Variants in SYN2 observed in about 807,000 individuals in gnomAD.
SYN2 encodes synapsin-2.
Under a neutral mutation model 50.9 loss-of-function variants are expected in SYN2, and 19 were observed. The ratio of observed to expected loss-of-function variants is 0.37; its 90% CI spans 0.26 to 0.55. SYN2 has a LOEUF of 0.55. SYN2 is among the 20% of genes least tolerant of loss of function. The pLI, the probability that SYN2 is intolerant of heterozygous loss-of-function variation, is 0.81. For missense variants in SYN2, 587 were observed against 576.4 expected (o/e 1.02, Z -0.19); for synonymous variants, 255 against 224.9 (o/e 1.13, Z -1.20).
At chr3:12,108,503 C>G (rs941156553) in intron 1 of SYN2, among the ~76,000 whole-genome samples, 1 of 152,096 alleles carries the variant, frequency 6.6e-6, no homozygotes, top group African/African-American at 2.4e-5. Flanking sequence ...GGTTTCAGTT[C>G]GGAGATAGGA....
Position 12,190,878 on chromosome 3 carries a change from C to G in SYN2, c.*253C>G. On this transcript the variant is annotated 3_prime_UTR_variant, in exon 13 of 13. Transcript: ENST00000621198. The stretch of plus-strand genomic sequence containing the variant: ...GCTTCCCTGTAGTCATGAGAGCTTC[C>G]TTCTGAAGTCATCGTTCGCTGTGAG... 1 of 1,244,520 alleles carries G rather than the reference C, an allele frequency of 8.0e-7. No individual in the cohort carries two copies. Among genetic ancestry groups the G allele is most frequent in the Non-Finnish European group, 1.0e-6 (1 of 993,624 alleles). The allele number at this position is 1,244,520 out of a possible 1,614,324, so 77.1% of individuals were successfully genotyped here.
intron 1 of SYN2, among the ~76,000 whole-genome samples, chr3:12,015,414 G>A (rs559413968): frequency 8.5e-5 from 13 of 152,214 alleles, no homozygotes; most frequent in African/African-American, 2.4e-4. Context: ...AAAGTTTTCA[G>A]TACTTATTTG....
chr3:12,150,091 G>C (rs1203854501), intron 4 of SYN2, among the ~76,000 whole-genome samples: 2 of 152,168 alleles, frequency 1.3e-5, no homozygotes, highest in African/African-American at 4.8e-5. Flanking sequence ...CCTGGCTTAT[G>C]TGCCAGTATC....
At chr3:12,179,204 ACT>A (rs1698164962) in intron 10 of SYN2, among the ~76,000 whole-genome samples, 1 of 151,490 alleles carries the variant, frequency 6.6e-6, no homozygotes, top group East Asian at 1.9e-4. Flanking sequence ...GAAGCGGCAC[ACT>A]CTCCTTGCCA....
In SYN2 at chr3:12,041,847, G is replaced by T. The variant is rs148845361; in HGVS notation, c.377+36919G>T. ...TCCCCAGCATTCACCATCTGCACCT[G>T]ACAGGCTGGTTTTCTCTCAGTCCTC... On this transcript the variant is annotated intron_variant, in intron 1 of 12. Coordinates refer to ENST00000621198, the MANE Select transcript of SYN2 (RefSeq NM_133625.6). Among the ~76,000 whole-genome samples, 34 of 152,268 alleles carry T rather than the reference G, an allele frequency of 2.2e-4. 1 individual carries two copies. The highest frequency in any genetic ancestry group is 3.9e-4 in the Admixed American group (6 of 15,284).
intron 12 of SYN2, among the ~76,000 whole-genome samples, chr3:12,189,852 A>G (rs1387467979): frequency 2.0e-5 from 3 of 152,198 alleles, no homozygotes; most frequent in African/African-American, 7.2e-5. Context: ...GAAGTGTTAG[A>G]GTTTTGAGCC....
chr3:12,102,723 A>G (rs547081744), intron 1 of SYN2, among the ~76,000 whole-genome samples: 3 of 152,300 alleles, frequency 2.0e-5, no homozygotes, highest in African/African-American at 7.2e-5. Context: ...CATAAAGTAG[A>G]TGACTGAGAG....
At chr3:12,022,283 C>G (rs1694157947) in intron 1 of SYN2, among the ~76,000 whole-genome samples, 1 of 152,104 alleles carries the variant, frequency 6.6e-6, no homozygotes, top group African/African-American at 2.4e-5. Flanking sequence ...GGATAGTCTC[C>G]TCCAAATATC....
intron 1 of SYN2, among the ~76,000 whole-genome samples, chr3:12,032,215 C>G (rs1694396090): frequency 1.9e-5 from 1 of 51,870 alleles, no homozygotes; most frequent in Non-Finnish European, 4.5e-5. Context: ...GGCCCCCACT[C>G]TCTTCTGGCT....
At chr3:12,089,428 T>C (rs997738081) in intron 1 of SYN2, among the ~76,000 whole-genome samples, 1 of 152,308 alleles carries the variant, frequency 6.6e-6, no homozygotes, top group East Asian at 1.9e-4. Context: ...CCAGGACACA[T>C]GGGAATTATG....
chr3:12,011,541 C>G (rs1693912231), intron 1 of SYN2, among the ~76,000 whole-genome samples: 1 of 152,190 alleles, frequency 6.6e-6, no homozygotes, highest in South Asian at 2.1e-4. Context: ...TGCTTGACAG[C>G]AGGCATTTCA....
intron 1 of SYN2, among the ~76,000 whole-genome samples, chr3:12,007,126 ACT>A (rs1366123169): frequency 6.6e-6 from 1 of 151,814 alleles, no homozygotes; most frequent in Non-Finnish European, 1.5e-5. Context: ...AAGATTTGAA[ACT>A]CTCTTTGGAT....
intron 1 of SYN2, among the ~76,000 whole-genome samples, chr3:12,100,433 C>T (rs985210355): frequency 6.6e-6 from 1 of 151,984 alleles, no homozygotes; most frequent in African/African-American, 2.4e-5. Context: ...TATTCACATG[C>T]AAAAGAATGA....
chr3:12,157,474 C>T, intron 5 of SYN2: 1 of 1,614,086 alleles, frequency 6.2e-7, no homozygotes, highest in Non-Finnish European at 8.5e-7. Flanking sequence ...GAGATTTTGG[C>T]CCGAATCACT....
intron 3 of SYN2, among the ~76,000 whole-genome samples, chr3:12,143,256 A>G (rs1336120525): frequency 6.6e-6 from 1 of 152,186 alleles, no homozygotes; most frequent in Non-Finnish European, 1.5e-5. Flanking sequence ...CAAGAAGGTC[A>G]GAGCAGCTCT....
At chr3:12,138,234 T>C (rs955460656) in intron 1 of SYN2, among the ~76,000 whole-genome samples, 4 of 152,182 alleles carry the variant, frequency 2.6e-5, no homozygotes, top group Admixed American at 1.3e-4. Flanking sequence ...TTCTATAAGG[T>C]TGTGGCTCAG....
At chr3:12,091,490 G>A (rs1695827308) in intron 1 of SYN2, among the ~76,000 whole-genome samples, 1 of 152,140 alleles carries the variant, frequency 6.6e-6, no homozygotes, top group South Asian at 2.1e-4. Flanking sequence ...AAAGGTAACA[G>A]ATCCTCACAG....
intron 1 of SYN2, among the ~76,000 whole-genome samples, chr3:12,036,735 T>C (rs1331191215): frequency 6.6e-6 from 1 of 152,232 alleles, no homozygotes; most frequent in African/African-American, 2.4e-5. Context: ...ACTACTCTGT[T>C]TAACAAACTG....
At chr3:12,051,986 A>G (rs1166362773) in intron 1 of SYN2, among the ~76,000 whole-genome samples, 3 of 151,946 alleles carry the variant, frequency 2.0e-5, no homozygotes, top group Non-Finnish European at 4.4e-5. Flanking sequence ...TTTCTTTTTC[A>G]TTCAGTTTAT....
Sources: gnomAD v4.1 joint callset for allele counts (sites outside exome capture counted in the v4.1 genomes callset) on GRCh38, gnomAD v4.1.1 for gene constraint, MANE v1.5 for transcripts, NCBI Gene and HGNC (gene_info 2026-07-23, HGNC 2026-07-21) for gene names.